ACAN: variants seen among roughly 807,000 people sequenced by gnomAD.
ACAN encodes aggrecan.
In ACAN, 47 loss-of-function variants were observed where a neutral mutation model predicts 169.1. That is an observed-to-expected ratio of 0.28 (90% CI 0.22 to 0.35). ACAN has a LOEUF of 0.35. ACAN is among the 10% of genes least tolerant of loss of function. The pLI is 1.00. For missense variants in ACAN, 2,716 were observed against 2,759.9 expected, an observed-to-expected ratio of 0.98 and a Z score of 0.36; for synonymous variants, 1,115 against 1,112.2, an observed-to-expected ratio of 1.00 and a Z score of -0.05.
Position 88,839,101 on chromosome 15 carries a change from A to G in ACAN, c.454+55A>G. On this transcript the variant is annotated intron_variant, in intron 3 of 18. Coordinates refer to ENST00000560601, the MANE Select transcript of ACAN (RefSeq NM_001369268.1). This position sits in a 1 kb window ranked among gnomAD's most constrained non-coding sequence, Gnocchi z 4.5. ...CTTCACCCACATAAAGAACCAGAGCAGTCTCCGCAGTGCAGGCGCAGGCAG... is the reference window on the plus strand; with the variant it reads ...CTTCACCCACATAAAGAACCAGAGCGGTCTCCGCAGTGCAGGCGCAGGCAG... 1 of 1,579,042 alleles carries G rather than the reference A, an allele frequency of 6.3e-7. No individual in the cohort carries two copies. Among genetic ancestry groups the G allele is most frequent in the Non-Finnish European group, 8.6e-7 (1 of 1,169,286 alleles).
At chr15:88,835,632 C>A (rs8024464) in intron 1 of ACAN, among the ~76,000 whole-genome samples, 90,515 of 151,366 alleles carry the variant, frequency 0.6, 27,542 homozygotes, top group Middle Eastern at 0.71. Context: ...CTAGGAAGAG[C>A]AGATGTTTCA....
intron 11 of ACAN, among the ~76,000 whole-genome samples, chr15:88,853,753 G>GATACATACATAC (rs3080433): frequency 9.3e-5 from 14 of 150,176 alleles, no homozygotes; most frequent in African/African-American, 2.2e-4. Context: ...TAGATAGATA[G>GATACATACATAC]ATACATACAT....
chr15:88,848,524 C>T (rs948810702), intron 9 of ACAN, among the ~76,000 whole-genome samples: 1 of 152,152 alleles, frequency 6.6e-6, no homozygotes, highest in Admixed American at 6.5e-5. Flanking sequence ...CCCAGGAGTT[C>T]GAGACCAGCC....
At chr15:88,859,817 G>A (rs1897155797) in intron 12 of ACAN, among the ~76,000 whole-genome samples, 1 of 152,190 alleles carries the variant, frequency 6.6e-6, no homozygotes, top group Non-Finnish European at 1.5e-5. Flanking sequence ...TTCTGCTCAT[G>A]CACCCTGCCC....
chr15:88,873,823 A>G lies in ACAN; in HGVS notation c.7448-19A>G. The G allele has an allele frequency of 6.2e-7, 1 of 1,612,168 alleles. No individual in the cohort carries two copies. The highest frequency in any genetic ancestry group is 8.5e-7 in the Non-Finnish European group (1 of 1,179,064). ...AGGAGACCCTATGAGACCCTTTATA[A>G]AGGGTGTTTGCCCCTCAGTGGCCTG... On this transcript the variant is annotated intron_variant, in intron 17 of 18. Transcript: ENST00000560601. The surrounding 1 kb of genome is among the most constrained non-coding windows in gnomAD (Gnocchi z 7.5).
chr15:88,819,174 G>A (rs1434488406), intron 1 of ACAN, among the ~76,000 whole-genome samples: 1 of 152,164 alleles, frequency 6.6e-6, no homozygotes, highest in South Asian at 2.1e-4. Flanking sequence ...GCAGAGGACT[G>A]GGGACATGCC....
Position 88,872,961 on chromosome 15 carries a change from G to C in ACAN, c.7383G>C (p.Glu2461Asp). The C allele has an allele frequency of 6.2e-7, 1 of 1,613,938 alleles. No homozygotes were observed. Among genetic ancestry groups the C allele is most frequent in the South Asian group, 1.1e-5 (1 of 91,056 alleles). Residue 2461 changes from glutamate to aspartate, a missense_variant, in exon 17 of 19, where the codon GAG becomes GAC. Around this residue, in one of 3 missense-constraint regions of ACAN, gnomAD observed 1,389 missense variants for 1,363.7 expected, o/e 1.02. Coordinates refer to ENST00000560601, the MANE Select transcript of ACAN (RefSeq NM_001369268.1). The surrounding 1 kb of genome is among the most constrained non-coding windows in gnomAD (Gnocchi z 5.4). The stretch of plus-strand genomic sequence containing the variant: ...ACTGTGTGGTGATGATCTGGCACGA[G>C]AAGGGCGAGTGGAATGATGTTCCCT... ...GEDCVVMIWH[E>D]KGEWNDVPCN...
chr15:88,843,289 C>CGGTGGTCGCCGTATCA lies in ACAN; in HGVS notation c.758-66_758-65insGGTGGTCGCCGTATCA. The stretch of plus-strand genomic sequence containing the variant: ...AGACCTCGTGGAAAAGTGTGGATCT[C>CGGTGGTCGCCGTATCA]TCTGGGGATGCAGAGCAGGGGGAGG... On this transcript the variant is annotated intron_variant, in intron 5 of 18. Transcript: ENST00000560601. The surrounding 1 kb of genome is among the most constrained non-coding windows in gnomAD (Gnocchi z 4.0). 1 of 1,418,004 alleles carries CGGTGGTCGCCGTATCA rather than the reference C, an allele frequency of 7.1e-7. No individual in the cohort carries two copies. Among genetic ancestry groups the CGGTGGTCGCCGTATCA allele is most frequent in the Non-Finnish European group, 9.3e-7 (1 of 1,075,568 alleles). The allele number at this position is 1,418,004 out of a possible 1,614,324, so 87.8% of individuals were successfully genotyped here.
At chr15:88,834,754 T>A (rs1896459477) in intron 1 of ACAN, among the ~76,000 whole-genome samples, 1 of 152,198 alleles carries the variant, frequency 6.6e-6, no homozygotes, top group Admixed American at 6.5e-5. Flanking sequence ...AGGAGGTGTC[T>A]GTAATGGGAC....
At chr15:88,805,879 C>G (rs1196434816) in intron 1 of ACAN, among the ~76,000 whole-genome samples, 1 of 152,188 alleles carries the variant, frequency 6.6e-6, no homozygotes, top group Non-Finnish European at 1.5e-5. Context: ...TCTCTCACAC[C>G]CACACGCCCA....
chr15:88,832,940 T>C (rs2063923), intron 1 of ACAN, among the ~76,000 whole-genome samples: 94,241 of 152,046 alleles, frequency 0.62, 29,603 homozygotes, highest in Middle Eastern at 0.73. Flanking sequence ...GGAGGAGGGA[T>C]GATGGCAGTC....
In ACAN at chr15:88,843,585, G is replaced by C; in HGVS notation, c.988G>C (p.Val330Leu). Residue 330 changes from valine (V) to leucine (L), a missense_variant, in exon 6 of 19, where the codon GTG becomes CTG. By Grantham distance (32) the Val-to-Leu change is conservative. Around this residue, in one of 3 missense-constraint regions of ACAN, gnomAD observed 1,283 missense variants for 1,281.5 expected, o/e 1.00. Coordinates refer to ENST00000560601, the MANE Select transcript of ACAN (RefSeq NM_001369268.1). The surrounding 1 kb of genome is among the most constrained non-coding windows in gnomAD (Gnocchi z 4.0). ...GNLLGVRTVY[V>L]HANQTGYPDP... is the part of the protein sequence containing the mutation. ...CCTCCTGGGCGTGAGGACCGTCTAC[G>C]TGCATGCCAACCAGACGGGCTACCC... 6.2e-7 allele frequency: 1 copy of C among 1,607,548 alleles called. No individual in the cohort carries two copies. Among genetic ancestry groups the C allele is most frequent in the South Asian group, 1.1e-5 (1 of 90,888 alleles).
Position 88,874,610 on chromosome 15 carries a change from A to C in ACAN, c.*129A>C, listed in dbSNP as rs762732138. On this transcript the variant is annotated 3_prime_UTR_variant, in exon 19 of 19. Transcript: ENST00000560601. This position sits in a 1 kb window ranked among gnomAD's most constrained non-coding sequence, Gnocchi z 7.3. ...AAGGAATCCCATTAAAGAAGGAAAAAAATAAATCCCACATTTGTGTATGCA... is the reference window on the plus strand; with the variant it reads ...AAGGAATCCCATTAAAGAAGGAAAACAATAAATCCCACATTTGTGTATGCA... The C allele has an allele frequency of 1.4e-5, 13 of 931,860 alleles. No homozygotes were observed. The highest frequency in any genetic ancestry group is 2.2e-5 in the Non-Finnish European group (13 of 591,264). 57.7% of individuals were successfully genotyped at this position (931,860 alleles called of 1,614,324 possible). A position where few individuals can be genotyped will look rare whatever the true frequency, so the allele number is the denominator to read the frequency against.
intron 1 of ACAN, among the ~76,000 whole-genome samples, chr15:88,832,458 A>C (rs1896389158): frequency 6.6e-6 from 1 of 152,004 alleles, no homozygotes; most frequent in Non-Finnish European, 1.5e-5. Flanking sequence ...AAAAAATACA[A>C]AAATTAGCCA....
intron 11 of ACAN, among the ~76,000 whole-genome samples, chr15:88,853,884 G>A (rs1896989762): frequency 6.9e-6 from 1 of 144,492 alleles, no homozygotes; most frequent in South Asian, 2.2e-4. Flanking sequence ...TATGCTTCAT[G>A]CCCCACCTCC....
At chr15:88,809,660 C>T (rs1895770857) in intron 1 of ACAN, among the ~76,000 whole-genome samples, 1 of 152,262 alleles carries the variant, frequency 6.6e-6, no homozygotes, top group Non-Finnish European at 1.5e-5. Context: ...GATGCAGGGA[C>T]CTCTGGTTCC....
chr15:88,812,831 A>T (rs1004731052), intron 1 of ACAN, among the ~76,000 whole-genome samples: 77 of 151,866 alleles, frequency 5.1e-4, no homozygotes, highest in African/African-American at 1.7e-3. Context: ...ACTCCTTCTC[A>T]CTGCACCAAG....
At chr15:88,818,744 T>C (rs1391419983) in intron 1 of ACAN, among the ~76,000 whole-genome samples, 1 of 152,178 alleles carries the variant, frequency 6.6e-6, no homozygotes, top group Non-Finnish European at 1.5e-5. Context: ...ATTTTGATCG[T>C]ACCTGGTTTC....
At chr15:88,841,903 C>G (rs1382653251) in intron 5 of ACAN, 36 bp downstream of exon 5, 2 of 1,611,568 alleles carry the variant, frequency 1.2e-6, no homozygotes, top group African/African-American at 1.3e-5. Flanking sequence ...CACCCAGCTC[C>G]CTTCCCAAGG....
Sources: gnomAD v4.1 joint callset for allele counts (sites outside exome capture counted in the v4.1 genomes callset) on GRCh38, gnomAD v4.1.1 for gene constraint, gnomAD v4.1.1 regional missense constraint, Gnocchi (gnomAD v3.1) non-coding constraint, MANE v1.5 for transcripts, NCBI Gene and HGNC (gene_info 2026-07-23, HGNC 2026-07-21) for gene names.